KMT5B: variants seen among roughly 807,000 people sequenced by gnomAD.
The protein encoded by KMT5B is lysine methyltransferase 5B.
In KMT5B, 10 loss-of-function variants were observed where a neutral mutation model predicts 83.2. The ratio of observed to expected loss-of-function variants is 0.12; its 90% CI spans 0.07 to 0.20. The LOEUF (loss-of-function observed/expected upper bound fraction) is 0.20, where lower values mean the gene tolerates loss of function less well. KMT5B is among the 10% of genes least tolerant of loss of function. The pLI is 1.00. For synonymous variants in KMT5B, 349 were observed against 388.8 expected, an observed-to-expected ratio of 0.90 and a Z score of 1.20; for missense variants, 753 against 1,067.2, an observed-to-expected ratio of 0.71 and a Z score of 4.10.
At chr11:68,189,780 T>C (rs1857843566) in intron 2 of KMT5B, 137 bp downstream of exon 2, 1 of 759,102 alleles carries the variant, frequency 1.3e-6, no homozygotes, top group Non-Finnish European at 2.0e-6. Flanking sequence ...ACTTTGAGAG[T>C]AAAAAGACTA....
Position 68,158,575 on chromosome 11 carries a change from C to T in KMT5B, c.1771G>A (p.Ala591Thr), listed in dbSNP as rs779903947. Reference protein sequence around the residue: ...PAPVLQEEELAHETAQKGEAK... With the variant: ...PAPVLQEEELTHETAQKGEAK... Reference sequence around the variant, plus strand: ...TCCCCTTTTTGTGCAGTCTCATGAGCCAGTTCTTCCTCCTGCAGCACAGGA... The same window carrying T: ...TCCCCTTTTTGTGCAGTCTCATGAGTCAGTTCTTCCTCCTGCAGCACAGGA... Residue 591 changes from alanine to threonine, a missense_variant, in exon 11 of 11, where the codon GCT becomes ACT. Physicochemically the swap from Ala to Thr is moderately conservative, Grantham distance 58. This residue lies in a region of KMT5B where 397 missense variants were observed against 395.9 expected (regional missense o/e 1.00). Coordinates refer to ENST00000304363, the MANE Select transcript of KMT5B (RefSeq NM_017635.5). 14 of 1,614,172 alleles carry T rather than the reference C, an allele frequency of 8.7e-6. No homozygotes were observed. The highest frequency in any genetic ancestry group is 1.1e-5 in the Non-Finnish European group (13 of 1,180,026).
rs1856737513 is a variant in KMT5B, at chr11:68,179,739, C to T, written c.377+393G>A. On this transcript the variant is annotated intron_variant, in intron 4 of 10. Coordinates refer to ENST00000304363, the MANE Select transcript of KMT5B (RefSeq NM_017635.5). ...AAACCATGAGGCAACATAGTGAACA[C>T]ATTTCCCCCTCTGAAGAAAGTTTAG... is the stretch of plus-strand genomic sequence containing the variant. 6 of 778,322 alleles carry T rather than the reference C, an allele frequency of 7.7e-6. No individual in the cohort carries two copies. The South Asian group carries it at 1.2e-4, about 15-fold the overall frequency. 48.2% of individuals were successfully genotyped at this position (778,322 alleles called of 1,614,324 possible).
chr11:68,184,873 G>T (rs979513340), intron 3 of KMT5B, among the ~76,000 whole-genome samples: 2 of 152,150 alleles, frequency 1.3e-5, no homozygotes, highest in Non-Finnish European at 2.9e-5. Flanking sequence ...AGAGACCTCA[G>T]CTGTTAAAAG....
At chr11:68,200,095 C>T (rs1859244775) in intron 1 of KMT5B, among the ~76,000 whole-genome samples, 1 of 152,036 alleles carries the variant, frequency 6.6e-6, no homozygotes, top group African/African-American at 2.4e-5. Context: ...TGGAGTCCAG[C>T]TCCAAGCTGA....
intron 3 of KMT5B, among the ~76,000 whole-genome samples, chr11:68,182,730 T>C (rs1857056607): frequency 2.6e-5 from 4 of 151,646 alleles, no homozygotes; most frequent in African/African-American, 4.8e-5. Flanking sequence ...AAAACTTTCA[T>C]TGTAATTTTT....
intron 10 of KMT5B, among the ~76,000 whole-genome samples, chr11:68,165,089 G>A (rs1169276084): frequency 2.0e-5 from 3 of 152,172 alleles, no homozygotes; most frequent in African/African-American, 7.2e-5. Context: ...CTATACACCA[G>A]TAATAAAGTT....
Position 68,158,939 on chromosome 11 carries a change from T to C in KMT5B, c.1407A>G (p.Lys469=). ...KRLEQKNASR[K]LEMGNLVLKE... is the part of the protein sequence containing the mutation. The stretch of plus-strand genomic sequence containing the variant: ...TCAGTACTAAGTTTCCCATTTCGAG[T>C]TTTCTTGAAGCATTCTTTTGCTCCA... The change falls in exon 11 of 11, where the codon AAA becomes AAG. Residue 469 remains lysine, a synonymous_variant. Coordinates refer to ENST00000304363, the MANE Select transcript of KMT5B (RefSeq NM_017635.5). 3.7e-6 allele frequency: 6 copies of C among 1,613,632 alleles called. No individual in the cohort carries two copies. Among genetic ancestry groups the C allele is most frequent in the Non-Finnish European group, 5.1e-6 (6 of 1,179,950 alleles).
At chr11:68,211,423 T>A (rs1021119752) in intron 1 of KMT5B, among the ~76,000 whole-genome samples, 2 of 152,238 alleles carry the variant, frequency 1.3e-5, no homozygotes, top group Non-Finnish European at 1.5e-5. Flanking sequence ...TGAAGAAATA[T>A]CTACCATATT....
At chr11:68,200,465 C>T (rs1669059959) in intron 1 of KMT5B, among the ~76,000 whole-genome samples, 1 of 152,212 alleles carries the variant, frequency 6.6e-6, no homozygotes, top group African/African-American at 2.4e-5. Context: ...CAGAGAACTT[C>T]TAAATGGACA....
Position 68,155,411 on chromosome 11 carries a change from C to T in KMT5B, c.*2277G>A, listed in dbSNP as rs1024053672. On this transcript the variant is annotated 3_prime_UTR_variant, in exon 11 of 11. Coordinates refer to ENST00000304363, the MANE Select transcript of KMT5B (RefSeq NM_017635.5). ...TTGAGACCCATGGGAAGGTTGGCCT[C>T]CAAAGAGGAGGCCATGATAAAATTA... is the stretch of plus-strand genomic sequence containing the variant. 18 of 152,030 alleles carry T rather than the reference C, an allele frequency of 1.2e-4. No homozygotes were observed. The highest frequency in any genetic ancestry group is 4.3e-4 in the African/African-American group (18 of 41,448). 9.4% of individuals were successfully genotyped at this position (152,030 alleles called of 1,614,324 possible). A position where few individuals can be genotyped will look rare whatever the true frequency, so the allele number is the denominator to read the frequency against.
Position 68,157,543 on chromosome 11 carries a change from G to T in KMT5B, c.*145C>A. The T allele has an allele frequency of 8.4e-7, 1 of 1,188,620 alleles. No individual in the cohort carries two copies. Among genetic ancestry groups the T allele is most frequent in the African/African-American group, 1.6e-5 (1 of 64,116 alleles). The allele number at this position is 1,188,620 out of a possible 1,614,324, so 73.6% of individuals were successfully genotyped here. The stretch of plus-strand genomic sequence containing the variant: ...CAAATCAGACTTAAGAATTGAGTCA[G>T]TATGCTGTACACTTTCTACAATAGT... On this transcript the variant is annotated 3_prime_UTR_variant, in exon 11 of 11. Transcript: ENST00000304363.
chr11:68,195,109 T>C (rs1284783468), intron 1 of KMT5B, among the ~76,000 whole-genome samples: 1 of 152,012 alleles, frequency 6.6e-6, no homozygotes, highest in African/African-American at 2.4e-5. Context: ...CCCAGGAAAT[T>C]GCGGACACAG....
At position 68,158,055 on chromosome 11, in the gene KMT5B, T is replaced by C; in HGVS notation, c.2291A>G (p.Asn764Ser). 6.2e-6 allele frequency: 10 copies of C among 1,614,242 alleles called. No homozygotes were observed. The highest frequency in any genetic ancestry group is 8.5e-6 in the Non-Finnish European group (10 of 1,180,040). The change falls in exon 11 of 11, where the codon AAT becomes AGT. Residue 764 changes from asparagine (N) to serine (S), a missense_variant. Physicochemically the swap from Asn to Ser is conservative, Grantham distance 46. Transcript: ENST00000304363. ...ACTGCCTGATCCTGAGTTAAATCCA[T>C]TATTAAGCTTTGCTACATAGAGATT... is the stretch of plus-strand genomic sequence containing the variant. ...DNNLYVAKLN[N>S]GFNSGSGSSS...
At chr11:68,203,885 T>G (rs1249764737) in intron 1 of KMT5B, among the ~76,000 whole-genome samples, 1 of 148,928 alleles carries the variant, frequency 6.7e-6, no homozygotes, top group Non-Finnish European at 1.5e-5. Flanking sequence ...TAATCAGGTA[T>G]CTAGAACCAT....
At chr11:68,170,906 T>A in intron 9 of KMT5B, 109 bp downstream of exon 9, 1 of 1,221,984 alleles carries the variant, frequency 8.2e-7, no homozygotes, top group Non-Finnish European at 1.1e-6. Flanking sequence ...CTAAAGAACA[T>A]AAAGACTATC....
intron 1 of KMT5B, among the ~76,000 whole-genome samples, chr11:68,204,830 T>C (rs943643774): frequency 2.0e-5 from 3 of 152,080 alleles, no homozygotes; most frequent in Non-Finnish European, 2.9e-5. Flanking sequence ...TTGGCCAGGA[T>C]GGTCTCGAAC....
intron 3 of KMT5B, among the ~76,000 whole-genome samples, chr11:68,184,470 T>C (rs1857245205): frequency 1.3e-5 from 2 of 152,196 alleles, no homozygotes; most frequent in Admixed American, 6.5e-5. Context: ...GTGAGGCATA[T>C]AGTATCTTAA....
intron 9 of KMT5B, among the ~76,000 whole-genome samples, chr11:68,167,993 G>A (rs1027864553): frequency 1.3e-5 from 2 of 152,026 alleles, no homozygotes; most frequent in Non-Finnish European, 2.9e-5. Flanking sequence ...TGAACATGGT[G>A]AAACCCTGTC....
At chr11:68,200,039 T>C (rs1859235506) in intron 1 of KMT5B, among the ~76,000 whole-genome samples, 1 of 152,192 alleles carries the variant, frequency 6.6e-6, no homozygotes, top group African/African-American at 2.4e-5. Context: ...ACTTTTGAGA[T>C]GCCCACTACA....
Sources: allele counts gnomAD v4.1 joint callset (sites outside exome capture counted in the v4.1 genomes callset), GRCh38; gene constraint gnomAD v4.1.1; regional missense constraint gnomAD v4.1.1; transcripts MANE v1.5; gene names NCBI Gene and HGNC (gene_info 2026-07-23, HGNC 2026-07-21).